HFM1: variants seen among roughly 807,000 people sequenced by gnomAD.
The protein encoded by HFM1 is probable ATP-dependent DNA helicase HFM1.
In HFM1, 169 loss-of-function variants were observed where a neutral mutation model predicts 192.1. The observed-to-expected ratio is 0.88, with a 90% CI of 0.78 to 1.00. HFM1 has a LOEUF of 1.00. HFM1 is among the 50% of genes least tolerant of loss of function. The pLI is 0.00. For missense variants in HFM1, 1,661 were observed against 1,668.0 expected, an observed-to-expected ratio of 1.00 and a Z score of 0.07; for synonymous variants, 525 against 537.8, an observed-to-expected ratio of 0.98 and a Z score of 0.33.
intron 1 of HFM1, among the ~76,000 whole-genome samples, chr1:91,402,970 T>A (rs561923739): frequency 8.5e-5 from 13 of 152,184 alleles, no homozygotes; most frequent in Admixed American, 2.0e-4. Flanking sequence ...AATTTTTGAT[T>A]TCTAGTTCTA....
intron 30 of HFM1, among the ~76,000 whole-genome samples, chr1:91,303,729 T>C (rs936524873): frequency 6.6e-6 from 1 of 152,262 alleles, no homozygotes; most frequent in Non-Finnish European, 1.5e-5. Flanking sequence ...GGTATCTTAC[T>C]GTGGTTTTGG....
intron 13 of HFM1, among the ~76,000 whole-genome samples, chr1:91,359,490 T>C (rs1225923000): frequency 7.0e-6 from 1 of 143,180 alleles, no homozygotes; most frequent in Non-Finnish European, 1.5e-5. Context: ...ATAGACCAAA[T>C]GGAGGAAAGA....
intron 2 of HFM1, among the ~76,000 whole-genome samples, chr1:91,397,581 T>C (rs1224712944): frequency 1.3e-5 from 2 of 152,212 alleles, no homozygotes; most frequent in Admixed American, 6.5e-5. Context: ...ACTCTGACCA[T>C]ATTTTCCAAG....
chr1:91,378,397 C>A lies in HFM1; in HGVS notation c.1236+6G>T. 3 of 1,585,048 alleles carry A rather than the reference C, an allele frequency of 1.9e-6. No individual in the cohort carries two copies. The highest frequency in any genetic ancestry group is 2.6e-6 in the Non-Finnish European group (3 of 1,156,330). On this transcript the variant is annotated splice_donor_region_variant and intron_variant, in intron 10 of 38. Transcript: ENST00000370425. ...GTTTATCTCTGAAAGCGAATGCATT[C>A]ATTACCTCATCAATGAGAAACAGTC...
Position 91,276,685 on chromosome 1 carries a change from TA to T in HFM1, c.3530del (p.Leu1177TyrfsTer4). On this transcript the variant is annotated frameshift_variant, in exon 32 of 39. Transcript: ENST00000370425. LOFTEE classifies it high-confidence loss of function. Reference sequence around the variant, plus strand: ...CAGCATTCCTGTTTCTTAAATCAGATAAATATGAAGAAATTGTTGACTCTTT... The same window carrying T: ...CAGCATTCCTGTTTCTTAAATCAGATAATATGAAGAAATTGTTGACTCTTT... ...EIKESTISSY[L>X]SDLRNRNAVS... 1 of 1,570,124 alleles carries T rather than the reference TA, an allele frequency of 6.4e-7. No homozygotes were observed. The highest frequency in any genetic ancestry group is 1.4e-5 in the African/African-American group (1 of 72,534).
intron 30 of HFM1, among the ~76,000 whole-genome samples, chr1:91,304,633 A>ATTTTTTT (rs58215219): frequency 7.1e-6 from 1 of 140,694 alleles, no homozygotes; most frequent in Non-Finnish European, 1.5e-5. Context: ...CAGCCGGCTA[A>ATTTTTTT]TTTTTTTTTT....
At chr1:91,375,782 C>A in intron 11 of HFM1, 55 bp from the exon 12 acceptor site, 2 of 1,437,098 alleles carry the variant, frequency 1.4e-6, no homozygotes, top group South Asian at 1.2e-5. Context: ...AGTTTTATTG[C>A]TAAAAACAAC....
intron 30 of HFM1, among the ~76,000 whole-genome samples, chr1:91,281,927 T>A (rs1032065107): frequency 1.3e-5 from 2 of 152,198 alleles, no homozygotes; most frequent in African/African-American, 4.8e-5. Flanking sequence ...ACTTTTAGCA[T>A]CCAACATTGC....
At chr1:91,267,563 G>A (rs529805927) in intron 35 of HFM1, among the ~76,000 whole-genome samples, 182 bp downstream of exon 35, 1 of 152,144 alleles carries the variant, frequency 6.6e-6, no homozygotes, top group Admixed American at 6.5e-5. Flanking sequence ...TGTTCTTAGG[G>A]GGGAAATGTT....
rs770033204 is a variant in HFM1, at chr1:91,350,720, C to CA, written c.2206+17dup. On this transcript the variant is annotated intron_variant, in intron 18 of 38. Coordinates refer to ENST00000370425, the MANE Select transcript of HFM1 (RefSeq NM_001017975.6). ...TGGCTTGAAAAAATTACTACTTTTC[C>CA]AAGTCAAAGTAACAAACCATAATGA... 1.0e-5 allele frequency: 16 copies of CA among 1,605,106 alleles called. No homozygotes were observed. The highest frequency in any genetic ancestry group is 1.3e-5 in the Non-Finnish European group (15 of 1,175,662).
chr1:91,383,745 A>G (rs1229304676), intron 6 of HFM1, among the ~76,000 whole-genome samples: 1 of 152,188 alleles, frequency 6.6e-6, no homozygotes, highest in Admixed American at 6.5e-5. Context: ...TTCCTAAAGC[A>G]TAGTTTAAAT....
chr1:91,330,828 G>C (rs543530457), intron 20 of HFM1, among the ~76,000 whole-genome samples: 1 of 152,210 alleles, frequency 6.6e-6, no homozygotes, highest in South Asian at 2.1e-4. Context: ...TTTATCCCAG[G>C]GATGCAAGGA....
rs762147234 is a variant in HFM1, at chr1:91,394,172, C to G, written c.415G>C (p.Glu139Gln). 1 of 1,609,016 alleles carries G rather than the reference C, an allele frequency of 6.2e-7. No homozygotes were observed. The highest frequency in any genetic ancestry group is 8.5e-7 in the Non-Finnish European group (1 of 1,175,630). The change falls in exon 4 of 39, where the codon GAG (glutamate) becomes CAG (glutamine). Residue 139 changes from glutamate (E) to glutamine (Q), a missense_variant. Transcript: ENST00000370425. The stretch of plus-strand genomic sequence containing the variant: ...TTTGTATCATCAGGAACACTCTTCT[C>G]AGGTGCTATCTCAGTGCCAATGTGA... ...KNHIGTEIAP[E>Q]KSVPDDTKLV...
intron 13 of HFM1, among the ~76,000 whole-genome samples, chr1:91,367,476 T>C (rs1659521461): frequency 6.6e-6 from 1 of 152,178 alleles, no homozygotes; most frequent in Non-Finnish European, 1.5e-5. Flanking sequence ...CCACCGCTGC[T>C]GATACCCAGG....
intron 34 of HFM1, among the ~76,000 whole-genome samples, chr1:91,273,503 A>AT (rs1341384737): frequency 5.3e-5 from 8 of 151,808 alleles, no homozygotes; most frequent in South Asian, 2.1e-4. Context: ...TAGGAAAGAG[A>AT]TTTTTTTTTA....
chr1:91,368,887 T>C (rs1227032630), intron 13 of HFM1, among the ~76,000 whole-genome samples: 1 of 151,800 alleles, frequency 6.6e-6, no homozygotes, highest in Non-Finnish European at 1.5e-5. Flanking sequence ...ATGCTCAAAA[T>C]AAAGGGATGG....
chr1:91,407,057 C>A (rs1234893330), upstream of HFM1, among the ~76,000 whole-genome samples: 2 of 152,156 alleles, frequency 1.3e-5, no homozygotes, highest in Non-Finnish European at 2.9e-5. Flanking sequence ...ATAATTTTAA[C>A]CATATATAAG....
intron 30 of HFM1, among the ~76,000 whole-genome samples, chr1:91,282,623 A>G (rs1316381375): frequency 1.1e-4 from 16 of 152,132 alleles, no homozygotes; most frequent in Non-Finnish European, 2.1e-4. Flanking sequence ...GTTAGTAAGT[A>G]GCAAATTTGA....
At chr1:91,350,087 A>G (rs1218201246) in intron 18 of HFM1, among the ~76,000 whole-genome samples, 1 of 152,140 alleles carries the variant, frequency 6.6e-6, no homozygotes, top group Admixed American at 6.6e-5. Flanking sequence ...CCTAGTTGAA[A>G]TATAAGTTTT....
Sources: allele counts gnomAD v4.1 joint callset (sites outside exome capture counted in the v4.1 genomes callset), GRCh38; gene constraint gnomAD v4.1.1; transcripts MANE v1.5; gene names NCBI Gene and HGNC (gene_info 2026-07-23, HGNC 2026-07-21).